Variants in HSD17B11 observed in about 807,000 individuals in gnomAD.
HSD17B11 encodes the protein estradiol 17-beta-dehydrogenase 11.
A neutral mutation model predicts 27.8 loss-of-function variants in HSD17B11; 22 were observed. The observed-to-expected ratio is 0.79, with a 90% CI of 0.56 to 1.13. The LOEUF (loss-of-function observed/expected upper bound fraction) is 1.13. Ranked by LOEUF, HSD17B11 falls within the 50% of genes most tolerant of loss-of-function variation. The pLI, the probability that HSD17B11 is intolerant of heterozygous loss-of-function variation, is 0.00. For missense variants in HSD17B11, 314 were observed against 351.1 expected, an observed-to-expected ratio of 0.89 and a Z score of 0.84; for synonymous variants, 117 against 132.8, an observed-to-expected ratio of 0.88 and a Z score of 0.82.
intron 4 of HSD17B11, among the ~76,000 whole-genome samples, chr4:87,370,146 G>A (rs1297458160): frequency 6.6e-6 from 1 of 152,134 alleles, no homozygotes; most frequent in Non-Finnish European, 1.5e-5. Flanking sequence ...CAGGGAAAAG[G>A]ATCAATACTC....
chr4:87,341,890 T>C (rs1317510987), intron 5 of HSD17B11, among the ~76,000 whole-genome samples: 1 of 151,790 alleles, frequency 6.6e-6, no homozygotes, highest in African/African-American at 2.4e-5. Context: ...GATAGATAAG[T>C]GGCTTAAAAA....
At chr4:87,347,103 A>ATTTTTTTTTTTTTGTT (rs763068482) in intron 5 of HSD17B11, among the ~76,000 whole-genome samples, 1 of 62,596 alleles carries the variant, frequency 1.6e-5, no homozygotes, top group Admixed American at 1.7e-4. Context: ...AGTATTCTGG[A>ATTTTTTTTTTTTTGTT]TTTTTTTTTT....
chr4:87,378,878 A>T (rs1469282193), intron 2 of HSD17B11, among the ~76,000 whole-genome samples: 1 of 18,272 alleles, frequency 5.5e-5, no homozygotes, highest in African/African-American at 2.2e-4. Context: ...ATATATATAT[A>T]TAAATATATA....
chr4:87,384,324 T>C (rs1293705083), intron 1 of HSD17B11, among the ~76,000 whole-genome samples: 1 of 152,174 alleles, frequency 6.6e-6, no homozygotes, highest in African/African-American at 2.4e-5. Context: ...CTGTACAAAT[T>C]GATTGTAAAA....
At chr4:87,389,548 A>AT (rs1170148983) in intron 1 of HSD17B11, among the ~76,000 whole-genome samples, 2 of 152,002 alleles carry the variant, frequency 1.3e-5, no homozygotes, top group Non-Finnish European at 2.9e-5. Flanking sequence ...CTTAATGTCC[A>AT]TTTTCCCTAC....
At chr4:87,365,674 G>T (rs1203187362) in intron 4 of HSD17B11, among the ~76,000 whole-genome samples, 3 of 152,078 alleles carry the variant, frequency 2.0e-5, no homozygotes, top group African/African-American at 7.2e-5. Context: ...AGTTAGCATT[G>T]TAATGTGTAA....
At chr4:87,342,618 A>T (rs149627286) in intron 5 of HSD17B11, among the ~76,000 whole-genome samples, 1 of 152,280 alleles carries the variant, frequency 6.6e-6, no homozygotes, top group East Asian at 1.9e-4. Context: ...GAAAAAAAAT[A>T]TATTTTGAAG....
Position 87,372,810 on chromosome 4 carries a change from T to C in HSD17B11, c.456A>G (p.Thr152=). The change falls in exon 4 of 7, where the codon ACA becomes ACG. Residue 152 remains threonine, a synonymous_variant. Transcript: ENST00000358290. ...TCGTCATTGCAGGAAGAAATGCCTT[T>C]GTAGTCTACAAATAGTTTTTATTAA... is the stretch of plus-strand genomic sequence containing the variant. The part of the protein sequence containing the change: ...EVNVLAHFWT[T]KAFLPAMTKN... The C allele has an allele frequency of 6.3e-7, 1 of 1,597,572 alleles. No homozygotes were observed. Among genetic ancestry groups the C allele is most frequent in the Non-Finnish European group, 8.6e-7 (1 of 1,166,864 alleles).
chr4:87,370,798 G>C (rs1443651816), intron 4 of HSD17B11, among the ~76,000 whole-genome samples: 1 of 101,072 alleles, frequency 9.9e-6, no homozygotes, highest in Non-Finnish European at 1.9e-5. Context: ...TGTCGCCCAG[G>C]CTGGAGTGTA....
chr4:87,367,618 A>C (rs1158407902), intron 4 of HSD17B11, among the ~76,000 whole-genome samples: 2 of 152,244 alleles, frequency 1.3e-5, no homozygotes, highest in Admixed American at 6.5e-5. Context: ...AAAAATGGGA[A>C]ACTGGAGAGA....
At chr4:87,359,256 A>G (rs754923419) in intron 4 of HSD17B11, among the ~76,000 whole-genome samples, 1 of 152,214 alleles carries the variant, frequency 6.6e-6, no homozygotes, top group Non-Finnish European at 1.5e-5. Flanking sequence ...AGATTGTTAG[A>G]TTAAATTATA....
At chr4:87,388,732 G>T (rs1720380715) in intron 1 of HSD17B11, among the ~76,000 whole-genome samples, 1 of 152,118 alleles carries the variant, frequency 6.6e-6, no homozygotes, top group African/African-American at 2.4e-5. Flanking sequence ...GTCTTCCTCA[G>T]TGCTATATCC....
At position 87,337,186 on chromosome 4, in the gene HSD17B11, G is replaced by GA. The variant is rs878986772; in HGVS notation, c.*89dup. On this transcript the variant is annotated 3_prime_UTR_variant, in exon 7 of 7. Coordinates refer to ENST00000358290, the MANE Select transcript of HSD17B11 (RefSeq NM_016245.5). ...GATATTGAAGAAATGGGGATAATTA[G>GA]AAAAAACAGAAGTTCAAACATTAAA... 1.2e-6 allele frequency: 1 copy of GA among 825,852 alleles called. No individual in the cohort carries two copies. The highest frequency in any genetic ancestry group is 2.1e-6 in the Non-Finnish European group (1 of 483,710). 51.2% of individuals were successfully genotyped at this position (825,852 alleles called of 1,614,324 possible).
intron 1 of HSD17B11, among the ~76,000 whole-genome samples, chr4:87,390,317 C>T (rs543142818): frequency 2.6e-5 from 4 of 152,206 alleles, no homozygotes; most frequent in Admixed American, 1.3e-4. Context: ...CCACCACGCC[C>T]GGCTAATTTT....
intron 4 of HSD17B11, among the ~76,000 whole-genome samples, chr4:87,359,779 T>C (rs1273551794): frequency 6.6e-6 from 1 of 152,188 alleles, no homozygotes; most frequent in East Asian, 1.9e-4. Flanking sequence ...TGCCTGAAGA[T>C]ACAAAACAAA....
At chr4:87,376,402 G>A (rs914996057) in intron 2 of HSD17B11, among the ~76,000 whole-genome samples, 2 of 151,544 alleles carry the variant, frequency 1.3e-5, no homozygotes, top group Non-Finnish European at 2.9e-5. Flanking sequence ...CTACTCGAGA[G>A]GCTGAGGCAG....
At chr4:87,362,546 TAATA>T (rs1185497908) in intron 4 of HSD17B11, among the ~76,000 whole-genome samples, 2 of 151,884 alleles carry the variant, frequency 1.3e-5, no homozygotes, top group Non-Finnish European at 2.9e-5. Flanking sequence ...TATAATAAAA[TAATA>T]AATAAAATGA....
At chr4:87,390,038 C>T (rs928207121) in intron 1 of HSD17B11, among the ~76,000 whole-genome samples, 52 of 152,194 alleles carry the variant, frequency 3.4e-4, no homozygotes, top group Non-Finnish European at 8.8e-5. Flanking sequence ...CAGCTCACTG[C>T]AGTCTCCACC....
At chr4:87,390,265 T>A (rs1720424437) in intron 1 of HSD17B11, among the ~76,000 whole-genome samples, 1 of 151,950 alleles carries the variant, frequency 6.6e-6, no homozygotes, top group Non-Finnish European at 1.5e-5. Context: ...CCCGCCATTC[T>A]CCTGCCTCAG....
Sources: allele counts gnomAD v4.1 joint callset (sites outside exome capture counted in the v4.1 genomes callset), GRCh38; gene constraint gnomAD v4.1.1; transcripts MANE v1.5; gene names NCBI Gene and HGNC (gene_info 2026-07-23, HGNC 2026-07-21).